Variants in RASSF3 observed in about 807,000 individuals in gnomAD.
The protein encoded by RASSF3 is ras association domain-containing protein 3.
In RASSF3, 19 loss-of-function variants were observed where a neutral mutation model predicts 19.9. The ratio of observed to expected loss-of-function variants is 0.96; its 90% CI spans 0.67 to 1.40. The LOEUF is 1.40. RASSF3 is among the 40% of genes most tolerant of loss of function. RASSF3 has a pLI of 0.00. For synonymous variants in RASSF3, 110 were observed against 104.2 expected, an observed-to-expected ratio of 1.06 and a Z score of -0.34; for missense variants, 306 against 289.8, an observed-to-expected ratio of 1.06 and a Z score of -0.41.
At chr12:64,514,420 C>T (rs1014157682) in intron 1 of RASSF3, among the ~76,000 whole-genome samples, 6 of 151,978 alleles carry the variant, frequency 3.9e-5, no homozygotes, top group African/African-American at 9.7e-5. Flanking sequence ...CTCTTGACCT[C>T]GTGATCTGTC....
intron 1 of RASSF3, among the ~76,000 whole-genome samples, chr12:64,528,184 G>A (rs1029839121): frequency 6.6e-6 from 1 of 152,000 alleles, no homozygotes; most frequent in African/African-American, 2.4e-5. Context: ...GAAGTGAGAG[G>A]ATCACTTGAG....
At chr12:64,688,125 G>A in intron 2 of RASSF3, 91 bp from the exon 3 acceptor site, 3 of 853,750 alleles carry the variant, frequency 3.5e-6, no homozygotes, top group South Asian at 1.5e-5. Context: ...GAACAAAGGA[G>A]TGTTTCACCT....
chr12:64,668,744 C>T (rs562836563), intron 1 of RASSF3, among the ~76,000 whole-genome samples: 1 of 148,102 alleles, frequency 6.8e-6, no homozygotes, highest in Non-Finnish European at 1.5e-5. Flanking sequence ...TGCAGTGGCG[C>T]GATCTCGGCT....
upstream of RASSF3, among the ~76,000 whole-genome samples, chr12:64,531,333 T>C (rs1037218622): frequency 2.2e-4 from 33 of 152,246 alleles, no homozygotes; most frequent in African/African-American, 8.0e-4. Context: ...CTGAAGTACC[T>C]TTTTACCTTT....
At chr12:64,512,612 A>G (rs923278703) in intron 1 of RASSF3, among the ~76,000 whole-genome samples, 2 of 152,228 alleles carry the variant, frequency 1.3e-5, no homozygotes, top group African/African-American at 2.4e-5. Flanking sequence ...TAATGGTTTA[A>G]CGATAACTCA....
At chr12:64,683,502 G>A (rs1435816605) in intron 1 of RASSF3, among the ~76,000 whole-genome samples, 1 of 152,134 alleles carries the variant, frequency 6.6e-6, no homozygotes, top group Non-Finnish European at 1.5e-5. Flanking sequence ...CTGGAAGGGT[G>A]GGAAGGAGAA....
intron 1 of RASSF3, among the ~76,000 whole-genome samples, chr12:64,621,639 G>A (rs1381682336): frequency 6.6e-6 from 1 of 152,040 alleles, no homozygotes; most frequent in Non-Finnish European, 1.5e-5. Flanking sequence ...CACTATGCGC[G>A]GCTAATTTTT....
intron 1 of RASSF3, among the ~76,000 whole-genome samples, chr12:64,660,524 A>G (rs1361188594): frequency 6.6e-6 from 1 of 152,196 alleles, no homozygotes; most frequent in Admixed American, 6.5e-5. Context: ...TTTGTGTTTC[A>G]TAAGGAAGAT....
chr12:64,573,878 G>C (rs1273458571), intron 2 of RASSF3, among the ~76,000 whole-genome samples: 1 of 152,128 alleles, frequency 6.6e-6, no homozygotes, highest in East Asian at 1.9e-4. Flanking sequence ...TCAACAGCAG[G>C]AGTCAGGGAT....
chr12:64,568,840 A>G (rs1452101757), intron 2 of RASSF3, among the ~76,000 whole-genome samples: 3 of 151,962 alleles, frequency 2.0e-5, no homozygotes, highest in South Asian at 2.1e-4. Flanking sequence ...CTCCCAAGTA[A>G]CAGAGATTAC....
At chr12:64,530,316 T>TG (rs1245054288), upstream of RASSF3, among the ~76,000 whole-genome samples, 1 of 151,812 alleles carries the variant, frequency 6.6e-6, no homozygotes. Flanking sequence ...CAATTTTTTT[T>TG]TTTTTCCATA....
At chr12:64,600,964 T>A (rs1465994490) in intron 2 of RASSF3, among the ~76,000 whole-genome samples, 1 of 152,172 alleles carries the variant, frequency 6.6e-6, no homozygotes, top group African/African-American at 2.4e-5. Flanking sequence ...AACAGGGTCA[T>A]ATTCTATTTT....
chr12:64,508,683 A>G (rs1018101006), intron 1 of RASSF3, among the ~76,000 whole-genome samples: 18 of 151,522 alleles, frequency 1.2e-4, no homozygotes, highest in African/African-American at 4.4e-4. Flanking sequence ...TCGGGAGTTC[A>G]AGACCAGCCT....
At chr12:64,605,237 C>T (rs1870170028) in intron 2 of RASSF3, among the ~76,000 whole-genome samples, 1 of 152,084 alleles carries the variant, frequency 6.6e-6, no homozygotes, top group South Asian at 2.1e-4. Context: ...CTGCCTGCCT[C>T]AGCCTCCCAA....
intron 1 of RASSF3, among the ~76,000 whole-genome samples, chr12:64,660,593 CT>C (rs1219255028): frequency 1.1e-4 from 17 of 152,024 alleles, no homozygotes; most frequent in Non-Finnish European, 2.4e-4. Flanking sequence ...CAAAATCTTT[CT>C]TTAAAAAAAG....
intron 3 of RASSF3, among the ~76,000 whole-genome samples, chr12:64,690,338 T>G (rs972386862): frequency 6.6e-6 from 1 of 151,976 alleles, no homozygotes; most frequent in African/African-American, 2.4e-5. Flanking sequence ...CCCACCACCA[T>G]GCCCAGCTAA....
At chr12:64,549,897 C>T (rs1367486880) in intron 2 of RASSF3, among the ~76,000 whole-genome samples, 7 of 152,190 alleles carry the variant, frequency 4.6e-5, no homozygotes, top group Admixed American at 2.0e-4. Flanking sequence ...TAGACACAAT[C>T]ATATCAATAT....
At chr12:64,521,085 G>T (rs1180711999) in intron 1 of RASSF3, among the ~76,000 whole-genome samples, 1 of 152,166 alleles carries the variant, frequency 6.6e-6, no homozygotes, top group African/African-American at 2.4e-5. Context: ...CAAGCTCCCT[G>T]TTGTGGTCTG....
chr12:64,510,130 T>C (rs1868320228), intron 1 of RASSF3, among the ~76,000 whole-genome samples: 1 of 151,976 alleles, frequency 6.6e-6, no homozygotes, highest in African/African-American at 2.4e-5. Flanking sequence ...TATTACTCTA[T>C]CATAATGGGA....
Sources: gnomAD v4.1 joint callset for allele counts (sites outside exome capture counted in the v4.1 genomes callset) on GRCh38, gnomAD v4.1.1 for gene constraint, MANE v1.5 for transcripts, NCBI Gene and HGNC (gene_info 2026-07-23, HGNC 2026-07-21) for gene names.